MIPOL1: variants seen among roughly 807,000 people sequenced by gnomAD.
MIPOL1 encodes the protein mirror-image polydactyly gene 1 protein.
MIPOL1 carries 57 observed loss-of-function variants against 60.9 expected under a neutral mutation model. The observed-to-expected ratio is 0.94, with a 90% CI of 0.76 to 1.17. The LOEUF (loss-of-function observed/expected upper bound fraction) is 1.17. Among genes scored for constraint, MIPOL1 ranks in the 50% most tolerant of loss-of-function variants. MIPOL1 has a pLI of 0.00. For synonymous variants in MIPOL1, 179 were observed against 168.8 expected (o/e 1.06, Z -0.47); for missense variants, 551 against 511.6 (o/e 1.08, Z -0.74).
chr14:37,477,914 G>T (rs977775974), intron 11 of MIPOL1, among the ~76,000 whole-genome samples: 1 of 152,168 alleles, frequency 6.6e-6, no homozygotes, highest in African/African-American at 2.4e-5. Context: ...CTATTGCTTT[G>T]CTTATTCTCT....
rs554448774 is a variant in MIPOL1 at position 37,420,182 on chromosome 14, A to G, written c.937-2673A>G. Among the ~76,000 whole-genome samples, 372 of 152,198 alleles carry G rather than the reference A, an allele frequency of 2.4e-3. 1 individual carries two copies. The highest frequency in any genetic ancestry group is 8.5e-3 in the African/African-American group (354 of 41,536). ...CAGGGTAATTTATTTGCAAGTATCT[A>G]TATATGCTTATATATGTACAGACTA... On this transcript the variant is annotated intron_variant, in intron 10 of 12. Transcript: ENST00000684589.
chr14:37,379,793 A>C (rs572306025), intron 10 of MIPOL1, among the ~76,000 whole-genome samples: 2 of 152,242 alleles, frequency 1.3e-5, no homozygotes, highest in African/African-American at 4.8e-5. Flanking sequence ...CTCAGTTATT[A>C]AGTAAAAGTG....
At chr14:37,296,574 G>A (rs1594972788) in intron 7 of MIPOL1, among the ~76,000 whole-genome samples, 1 of 152,022 alleles carries the variant, frequency 6.6e-6, no homozygotes, top group Non-Finnish European at 1.5e-5. Flanking sequence ...TAATAAAGAA[G>A]AAAAGAGAGA....
rs146245698 is a variant in MIPOL1 at position 37,212,575 on chromosome 14, C to T, written c.-199+14471C>T. Among the ~76,000 whole-genome samples, 307 of 152,174 alleles carry T rather than the reference C, an allele frequency of 2.0e-3. 1 individual carries two copies. Among genetic ancestry groups the T allele is most frequent in the Non-Finnish European group, 3.5e-3 (238 of 68,006 alleles). On this transcript the variant is annotated intron_variant, in intron 1 of 12. Transcript: ENST00000684589. ...ACAATAGAACACCTGGTAGACTTGC[C>T]GCATTTTTTACTCTACTCCCTGACT...
At chr14:37,474,455 C>T (rs2094737364) in intron 11 of MIPOL1, among the ~76,000 whole-genome samples, 1 of 152,138 alleles carries the variant, frequency 6.6e-6, no homozygotes, top group African/African-American at 2.4e-5. Flanking sequence ...GTGAATAAGT[C>T]TCATGAGATC....
At chr14:37,417,753 G>T (rs2093797497) in intron 10 of MIPOL1, among the ~76,000 whole-genome samples, 1 of 152,084 alleles carries the variant, frequency 6.6e-6, no homozygotes, top group Non-Finnish European at 1.5e-5. Flanking sequence ...AATAGTGCTA[G>T]CTTAATCATA....
At position 37,335,732 on chromosome 14, in the gene MIPOL1, G is replaced by A. The variant is rs141144753; in HGVS notation, c.828+27213G>A. ...CTGCAATTTATATATTTTCATTGGA[G>A]AAATATCTTCTATTCAAGTTTTTTT... On this transcript the variant is annotated intron_variant, in intron 9 of 12. Coordinates refer to ENST00000684589, the MANE Select transcript of MIPOL1 (RefSeq NM_001388067.1). 3.1e-3 allele frequency among the ~76,000 whole-genome samples: 468 copies of A among 152,118 alleles called. 3 individuals are homozygous for A. Among genetic ancestry groups the A allele is most frequent in the African/African-American group, 9.6e-3 (399 of 41,530 alleles).
At chr14:37,422,972 G>T in intron 11 of MIPOL1, 23 bp downstream of exon 11, 1 of 1,436,244 alleles carries the variant, frequency 7.0e-7, no homozygotes, top group Non-Finnish European at 9.7e-7. Flanking sequence ...TTAGCCTGGG[G>T]TTAAGTAAAT....
chr14:37,280,194 C>A (rs1234924316), intron 6 of MIPOL1, among the ~76,000 whole-genome samples: 1 of 152,032 alleles, frequency 6.6e-6, no homozygotes, highest in East Asian at 1.9e-4. Flanking sequence ...TTCCATTGTA[C>A]CACATTAAAA....
chr14:37,428,366 G>A (rs1019533756), intron 11 of MIPOL1, among the ~76,000 whole-genome samples: 12 of 152,112 alleles, frequency 7.9e-5, no homozygotes, highest in South Asian at 2.1e-4. Flanking sequence ...GGAGGCTGGC[G>A]GATCACTTGA....
intron 8 of MIPOL1, 39 bp downstream of exon 8, chr14:37,308,128 T>TA (rs1286705086): frequency 1.3e-6 from 2 of 1,586,136 alleles, no homozygotes. Context: ...ATGTCAGTCT[T>TA]ATATCTTAGA....
At chr14:37,506,839 A>G (rs1304908636) in intron 12 of MIPOL1, 4 of 152,204 alleles carry the variant, frequency 2.6e-5, no homozygotes, top group South Asian at 2.1e-4. Context: ...AATTTTTGCA[A>G]TCTACCCATC....
intron 10 of MIPOL1, among the ~76,000 whole-genome samples, chr14:37,406,790 T>G (rs1043831164): frequency 6.6e-6 from 1 of 152,170 alleles, no homozygotes; most frequent in African/African-American, 2.4e-5. Flanking sequence ...GTGATTAGTC[T>G]CTGTTCTAGA....
In MIPOL1 at chr14:37,548,213, C is replaced by A. The variant is rs2095553002; in HGVS notation, c.*1242C>A. On this transcript the variant is annotated 3_prime_UTR_variant, in exon 13 of 13. Coordinates refer to ENST00000684589, the MANE Select transcript of MIPOL1 (RefSeq NM_001388067.1). ...CTTTAAGATTGAGCTAAATTATCTA[C>A]CATTGCCTATTTACAGGATAAGTAC... 2 of 151,962 alleles carry A rather than the reference C, an allele frequency of 1.3e-5. No individual in the cohort carries two copies. The allele number at this position is 151,962 out of a possible 1,614,324, so 9.4% of individuals were successfully genotyped here.
At chr14:37,380,497 A>C (rs1446335755) in intron 10 of MIPOL1, among the ~76,000 whole-genome samples, 2 of 152,160 alleles carry the variant, frequency 1.3e-5, no homozygotes, top group African/African-American at 4.8e-5. Flanking sequence ...CAGGTTCATC[A>C]AGTCCATCAA....
intron 3 of MIPOL1, among the ~76,000 whole-genome samples, chr14:37,252,763 A>G (rs947995649): frequency 3.3e-5 from 5 of 151,960 alleles, no homozygotes; most frequent in Admixed American, 2.6e-4. Flanking sequence ...TGATTTGCAG[A>G]CAATTTGTAA....
chr14:37,247,972 AGT>A, intron 3 of MIPOL1, 65 bp downstream of exon 3: 1 of 1,559,048 alleles, frequency 6.4e-7, no homozygotes, highest in South Asian at 1.1e-5. Context: ...CACTGAGTGA[AGT>A]GTGTTTGTTC....
intron 10 of MIPOL1, among the ~76,000 whole-genome samples, chr14:37,416,624 CGTT>C (rs747380970): frequency 3.9e-5 from 6 of 152,052 alleles, no homozygotes; most frequent in Non-Finnish European, 7.3e-5. Flanking sequence ...TTGACCAAAG[CGTT>C]GTTATTCTGT....
At chr14:37,322,021 A>G (rs2088632218) in intron 9 of MIPOL1, among the ~76,000 whole-genome samples, 1 of 151,944 alleles carries the variant, frequency 6.6e-6, no homozygotes, top group Non-Finnish European at 1.5e-5. Context: ...ATATTTTGCT[A>G]AACTTGATTT....
Sources: gnomAD v4.1 joint callset for allele counts (sites outside exome capture counted in the v4.1 genomes callset) on GRCh38, gnomAD v4.1.1 for gene constraint, MANE v1.5 for transcripts, NCBI Gene and HGNC (gene_info 2026-07-23, HGNC 2026-07-21) for gene names.